Variants in CDH11 observed in about 807,000 individuals in gnomAD.
CDH11 encodes the protein cadherin-11.
Under a neutral mutation model 67.8 loss-of-function variants are expected in CDH11, and 11 were observed. That is an observed-to-expected ratio of 0.16 (90% CI 0.10 to 0.27). The LOEUF is 0.27. Among genes scored for constraint, CDH11 ranks in the 10% least tolerant of loss-of-function variants. CDH11 has a pLI of 1.00. For synonymous variants in CDH11, 419 were observed against 400.0 expected (o/e 1.05, Z -0.57); for missense variants, 847 against 1,031.2 (o/e 0.82, Z 2.45).
intron 2 of CDH11, among the ~76,000 whole-genome samples, chr16:65,049,575 G>A (rs976735503): frequency 5.3e-5 from 8 of 152,072 alleles, no homozygotes; most frequent in African/African-American, 1.9e-4. Flanking sequence ...CAATGTCATT[G>A]ACCTCTTTGC....
chr16:65,071,996 C>T (rs960628622), intron 1 of CDH11: 4 of 152,304 alleles, frequency 2.6e-5, no homozygotes, highest in Non-Finnish European at 4.4e-5. Flanking sequence ...CACCTGCATT[C>T]AGGCTGGCAG....
chr16:65,009,957 G>A (rs1046654367), intron 2 of CDH11, among the ~76,000 whole-genome samples: 3 of 152,130 alleles, frequency 2.0e-5, no homozygotes, highest in Non-Finnish European at 4.4e-5. Context: ...TTTTGTCTCC[G>A]TTAAAGAAAA....
At chr16:65,044,402 C>G (rs991038328) in intron 2 of CDH11, among the ~76,000 whole-genome samples, 10 of 151,928 alleles carry the variant, frequency 6.6e-5, no homozygotes, top group Admixed American at 1.3e-4. Flanking sequence ...AAAAAAATGA[C>G]CTTTTAGGGT....
chr16:65,109,191 A>G (rs958201960), intron 1 of CDH11, among the ~76,000 whole-genome samples: 13 of 152,186 alleles, frequency 8.5e-5, no homozygotes, highest in African/African-American at 2.4e-5. Flanking sequence ...AGTTCTGTTC[A>G]GTTCAGTGAT....
intron 6 of CDH11, among the ~76,000 whole-genome samples, chr16:64,988,767 C>A (rs753144328): frequency 1.1e-4 from 16 of 152,244 alleles, no homozygotes; most frequent in Non-Finnish European, 7.4e-5. Flanking sequence ...AAAAAAAATT[C>A]TCTGTTTAAA....
At chr16:65,019,838 A>T (rs1383575617) in intron 2 of CDH11, among the ~76,000 whole-genome samples, 1 of 152,152 alleles carries the variant, frequency 6.6e-6, no homozygotes, top group Non-Finnish European at 1.5e-5. Context: ...CAACTTGCTC[A>T]AGCCTTCAGC....
chr16:65,116,984 C>T (rs1278379700), intron 1 of CDH11, among the ~76,000 whole-genome samples: 1 of 152,158 alleles, frequency 6.6e-6, no homozygotes, highest in Non-Finnish European at 1.5e-5. Context: ...ACTCTGCAAC[C>T]GTCTCATGAC....
At chr16:65,105,500 T>TTTC (rs1292642782) in intron 1 of CDH11, among the ~76,000 whole-genome samples, 3 of 152,240 alleles carry the variant, frequency 2.0e-5, no homozygotes, top group African/African-American at 7.2e-5. Flanking sequence ...GACATGATTG[T>TTTC]TTCTGACAAA....
intron 2 of CDH11, chr16:65,006,790 G>C (rs1335036357): frequency 1.3e-5 from 2 of 152,210 alleles, no homozygotes; most frequent in Non-Finnish European, 2.9e-5. Context: ...CCCAGCGGGA[G>C]GCAATTGAAT....
At chr16:65,054,033 T>G (rs549327723) in intron 1 of CDH11, 105 bp from the exon 2 acceptor site, 8 of 395,112 alleles carry the variant, frequency 2.0e-5, no homozygotes, top group African/African-American at 1.0e-4. Flanking sequence ...TCTTAGAAGA[T>G]GACAATCCAG....
At chr16:65,012,378 G>A (rs1217918213) in intron 2 of CDH11, among the ~76,000 whole-genome samples, 1 of 152,182 alleles carries the variant, frequency 6.6e-6, no homozygotes, top group African/African-American at 2.4e-5. Flanking sequence ...GGAGGTGGGT[G>A]AATCAGATTT....
At chr16:64,956,315 C>A (rs1479937773) in intron 11 of CDH11, among the ~76,000 whole-genome samples, 1 of 152,044 alleles carries the variant, frequency 6.6e-6, no homozygotes, top group Admixed American at 6.5e-5. Flanking sequence ...GTTGGCGATG[C>A]TCAGTAAATA....
intron 2 of CDH11, among the ~76,000 whole-genome samples, chr16:65,019,875 C>A (rs146085594): frequency 4.6e-5 from 7 of 151,990 alleles, no homozygotes; most frequent in Admixed American, 1.3e-4. Flanking sequence ...TAAAACAATT[C>A]TTTAACCCTC....
At chr16:65,102,859 A>G (rs1368479071) in intron 1 of CDH11, among the ~76,000 whole-genome samples, 1 of 152,220 alleles carries the variant, frequency 6.6e-6, no homozygotes, top group Non-Finnish European at 1.5e-5. Flanking sequence ...GCAATGGAGC[A>G]AAAAATGCAG....
At chr16:64,998,501 G>T in intron 4 of CDH11, 61 bp downstream of exon 4, 1 of 1,516,638 alleles carries the variant, frequency 6.6e-7, no homozygotes. Context: ...ACGGGCTTCA[G>T]CCCACCCACC....
intron 1 of CDH11, among the ~76,000 whole-genome samples, chr16:65,075,792 C>A (rs1030340526): frequency 3.9e-5 from 6 of 152,196 alleles, no homozygotes; most frequent in African/African-American, 1.4e-4. Flanking sequence ...TCCCAAATAG[C>A]TGTGTGACCT....
At chr16:65,114,543 G>A (rs2033012688) in intron 1 of CDH11, among the ~76,000 whole-genome samples, 1 of 151,974 alleles carries the variant, frequency 6.6e-6, no homozygotes, top group Admixed American at 6.6e-5. Flanking sequence ...GACTAGATGA[G>A]GTACCGAGTA....
chr16:65,024,592 C>T, intron 2 of CDH11, among the ~76,000 whole-genome samples: 1 of 152,148 alleles, frequency 6.6e-6, no homozygotes, highest in East Asian at 1.9e-4. Flanking sequence ...TTCAAATTCT[C>T]CAGGGCCATT....
At chr16:64,975,298 A>C (rs1326408081) in intron 8 of CDH11, among the ~76,000 whole-genome samples, 1 of 152,174 alleles carries the variant, frequency 6.6e-6, no homozygotes, top group African/African-American at 2.4e-5. Context: ...TGTGACCTTC[A>C]TCCTAGAGCC....
Sources: gnomAD v4.1 joint callset for allele counts (sites outside exome capture counted in the v4.1 genomes callset) on GRCh38, gnomAD v4.1.1 for gene constraint, MANE v1.5 for transcripts, NCBI Gene and HGNC (gene_info 2026-07-23, HGNC 2026-07-21) for gene names.